Variants in GCNT1 observed in about 807,000 individuals in gnomAD.
GCNT1 encodes glucosaminyl (N-acetyl) transferase 1, also known as beta-1,3-galactosyl-O-glycosyl-glycoprotein beta-1,6-N-acetylglucosaminyltransferase.
In GCNT1, 16 loss-of-function variants were observed where a neutral mutation model predicts 26.2. That is an observed-to-expected ratio of 0.61 (90% CI 0.41 to 0.93). The LOEUF (loss-of-function observed/expected upper bound fraction) is 0.93, where lower values mean the gene tolerates loss of function less well. GCNT1 is among the 40% of genes least tolerant of loss of function. GCNT1 has a pLI of 0.00. For synonymous variants in GCNT1, 183 were observed against 190.8 expected (o/e 0.96, Z 0.34); for missense variants, 477 against 526.7 (o/e 0.91, Z 0.92).
the GCNT1 span, among the ~76,000 whole-genome samples, chr9:76,401,722 A>C: frequency 6.6e-6 from 1 of 152,164 alleles, no homozygotes; most frequent in South Asian, 2.1e-4. Flanking sequence ...CCTCTAGCTT[A>C]TATAAACTTC....
At chr9:76,447,151 CAAAAAA>C (rs532132124) in intron 1 of GCNT1, among the ~76,000 whole-genome samples, 1 of 35,990 alleles carries the variant, frequency 2.8e-5, no homozygotes, top group African/African-American at 1.2e-4. Flanking sequence ...AACCCTGTGT[CAAAAAA>C]AAAAAAAAAA....
intron 2 of GCNT1, among the ~76,000 whole-genome samples, chr9:76,460,468 G>T (rs1225004752): frequency 5.9e-5 from 9 of 152,160 alleles, no homozygotes; most frequent in Non-Finnish European, 1.3e-4. Flanking sequence ...GTTCTGAAAG[G>T]CCGGTTTGTT....
chr9:76,483,320 G>A (rs1035428052), intron 2 of GCNT1, among the ~76,000 whole-genome samples: 4 of 151,912 alleles, frequency 2.6e-5, no homozygotes, highest in African/African-American at 4.8e-5. Flanking sequence ...TTCTTTAGGT[G>A]TGTATTTTCA....
chr9:76,408,448 A>T, the GCNT1 span, among the ~76,000 whole-genome samples: 1 of 152,178 alleles, frequency 6.6e-6, no homozygotes, highest in Non-Finnish European at 1.5e-5. Context: ...CCAGGCTTAC[A>T]TACCTGGAAT....
At chr9:76,496,207 C>T (rs930078222) in intron 2 of GCNT1, among the ~76,000 whole-genome samples, 1 of 152,242 alleles carries the variant, frequency 6.6e-6, no homozygotes, top group East Asian at 1.9e-4. Flanking sequence ...GAGACTACAT[C>T]TTGGATGGGT....
Position 76,436,231 on chromosome 9 carries a change from TG to T in GCNT1, n.38+16345del, listed in dbSNP as rs554706651. ...CCTCCATCTTATAAGAAAACATCTG[TG>T]TAACAAATTAGGATAGGGTTGTCCA... On this transcript the variant is annotated intron_variant and non_coding_transcript_variant, in intron 1 of 3. Transcript: ENST00000488136. Among the ~76,000 whole-genome samples the T allele has an allele frequency of 1.9e-4, 29 of 152,014 alleles. No homozygotes were observed. The South Asian group carries it at 5.2e-3, about 27-fold the overall frequency.
intron 1 of GCNT1, among the ~76,000 whole-genome samples, chr9:76,427,427 G>T (rs1051070287): frequency 6.6e-6 from 1 of 152,006 alleles, no homozygotes. Flanking sequence ...CGATCTGCCC[G>T]CCTCAGCCCC....
At chr9:76,413,047 G>T in the GCNT1 span, among the ~76,000 whole-genome samples, 8 of 152,162 alleles carry the variant, frequency 5.3e-5, no homozygotes, top group African/African-American at 9.7e-5. Context: ...GTCCCAAATA[G>T]CTCCCTACTT....
chr9:76,402,483 C>T, the GCNT1 span, among the ~76,000 whole-genome samples: 2 of 151,994 alleles, frequency 1.3e-5, no homozygotes, highest in Admixed American at 6.5e-5. Flanking sequence ...TGTTATTTTG[C>T]ACCAAAAAAA....
chr9:76,496,014 A>C (rs1824898943), intron 2 of GCNT1, among the ~76,000 whole-genome samples: 1 of 152,140 alleles, frequency 6.6e-6, no homozygotes, highest in African/African-American at 2.4e-5. Context: ...TTCTCTTGGC[A>C]TGCTTGGATT....
intron 1 of GCNT1, among the ~76,000 whole-genome samples, chr9:76,432,445 C>T (rs937630352): frequency 4.0e-5 from 6 of 151,628 alleles, no homozygotes; most frequent in Non-Finnish European, 5.9e-5. Context: ...TAGGCTCAAG[C>T]GGTCCCACCT....
At chr9:76,461,475 T>C (rs1420349398) in intron 2 of GCNT1, among the ~76,000 whole-genome samples, 1 of 151,402 alleles carries the variant, frequency 6.6e-6, no homozygotes, top group Admixed American at 6.6e-5. Context: ...TCCCAGCTAC[T>C]CGGGAGGCTG....
chr9:76,433,453 C>T (rs193055607), intron 1 of GCNT1, among the ~76,000 whole-genome samples: 1 of 152,348 alleles, frequency 6.6e-6, no homozygotes, highest in East Asian at 1.9e-4. Context: ...GCGTACCCCT[C>T]ATCTGTATGC....
At chr9:76,455,931 A>G (rs975274820), upstream of GCNT1, among the ~76,000 whole-genome samples, 2 of 152,176 alleles carry the variant, frequency 1.3e-5, no homozygotes, top group Non-Finnish European at 2.9e-5. Flanking sequence ...TGTACTTGTA[A>G]CTATAGTTTT....
At chr9:76,400,261 T>G in the GCNT1 span, among the ~76,000 whole-genome samples, 1 of 152,130 alleles carries the variant, frequency 6.6e-6, no homozygotes, top group Non-Finnish European at 1.5e-5. Context: ...TTTGAATAAT[T>G]AATCTAAAAA....
At chr9:76,471,733 G>A (rs1297101061) in intron 2 of GCNT1, among the ~76,000 whole-genome samples, 4 of 152,162 alleles carry the variant, frequency 2.6e-5, no homozygotes, top group Admixed American at 2.6e-4. Context: ...TCTCCTATTA[G>A]GAAAGACACC....
At chr9:76,452,870 A>G (rs1587419048) in intron 1 of GCNT1, among the ~76,000 whole-genome samples, 2 of 152,176 alleles carry the variant, frequency 1.3e-5, no homozygotes, top group African/African-American at 4.8e-5. Context: ...GCTGTACCCT[A>G]CTTAATCTTC....
intron 2 of GCNT1, among the ~76,000 whole-genome samples, chr9:76,480,791 G>A (rs901973671): frequency 1.6e-4 from 25 of 152,204 alleles, no homozygotes; most frequent in African/African-American, 6.0e-4. Flanking sequence ...ATTAATTCAG[G>A]CATGGAGAAC....
chr9:76,441,879 C>T (rs1823488911), exon 1 of GCNT1: 1 of 152,150 alleles, frequency 6.6e-6, no homozygotes, highest in Non-Finnish European at 1.5e-5. Context: ...TCTGAGAAAC[C>T]TGAAACCTGA....
Sources: gnomAD v4.1 joint callset for allele counts (sites outside exome capture counted in the v4.1 genomes callset) on GRCh38, gnomAD v4.1.1 for gene constraint, MANE v1.5 for transcripts, NCBI Gene and HGNC (gene_info 2026-07-23, HGNC 2026-07-21) for gene names.